Variants in ZNF624 observed in about 807,000 individuals in gnomAD.
The protein encoded by ZNF624 is zinc finger protein 624.
ZNF624 carries 43 observed loss-of-function variants against 74.7 expected under a neutral mutation model. That is an observed-to-expected ratio of 0.58 (90% CI 0.45 to 0.74). The LOEUF is 0.74. Among genes scored for constraint, ZNF624 ranks in the 30% least tolerant of loss-of-function variants. The pLI is 0.00. For synonymous variants in ZNF624, 331 were observed against 341.3 expected (o/e 0.97, Z 0.33); for missense variants, 820 against 1,030.0 (o/e 0.80, Z 2.79).
At chr17:16,627,292 A>G (rs1213580864) in intron 5 of ZNF624, among the ~76,000 whole-genome samples, 3 of 152,214 alleles carry the variant, frequency 2.0e-5, no homozygotes, top group African/African-American at 7.2e-5. Flanking sequence ...CTTAATTTAT[A>G]TGCACTAAAT....
rs560551714 is a variant in ZNF624 at position 16,641,289 on chromosome 17, C to A, written c.153+6040G>T. 3.3e-5 allele frequency among the ~76,000 whole-genome samples: 5 copies of A among 150,142 alleles called. No individual in the cohort carries two copies. In the East Asian group the frequency reaches 9.6e-4, roughly 29 times the overall value. ...TCTTTTTCTTTCTTTCTCTCTCTCT[C>A]TCTTTTTTTTTGGATACAGGATCTT... On this transcript the variant is annotated intron_variant, in intron 3 of 5. Transcript: ENST00000311331.
intron 5 of ZNF624, chr17:16,624,853 CAAAAAAAAAAAAAAAA>C (rs59170659): frequency 2.0e-3 from 86 of 44,016 alleles, no homozygotes; most frequent in African/African-American, 7.9e-3. Context: ...CCTGTCTCTA[CAAAAAAAAAAAAAAAA>C]AAAAAAAAAA....
chr17:16,627,307 A>T (rs1909096968), intron 5 of ZNF624, among the ~76,000 whole-genome samples: 1 of 152,244 alleles, frequency 6.6e-6, no homozygotes, highest in Admixed American at 6.5e-5. Flanking sequence ...CTAAATTCTC[A>T]TCTTTCTTGA....
chr17:16,619,140 A>T (rs1431290391), downstream of ZNF624, among the ~76,000 whole-genome samples: 1 of 152,240 alleles, frequency 6.6e-6, no homozygotes. Flanking sequence ...AGAGAGGAAG[A>T]TGGCCTTTTC....
intron 5 of ZNF624, among the ~76,000 whole-genome samples, chr17:16,630,487 G>A (rs1909180077): frequency 6.6e-6 from 1 of 152,164 alleles, no homozygotes; most frequent in African/African-American, 2.4e-5. Flanking sequence ...AACCTGGGAG[G>A]CAGAGTTTGC....
chr17:16,619,456 C>T (rs913427404), downstream of ZNF624, among the ~76,000 whole-genome samples: 2 of 152,094 alleles, frequency 1.3e-5, no homozygotes, highest in Admixed American at 6.6e-5. Flanking sequence ...AAAAAAACCC[C>T]GTCTCCAGAA....
At position 16,621,521 on chromosome 17, in the gene ZNF624, A is replaced by G. The variant is rs867326945; in HGVS notation, c.*767T>C. 6.6e-6 allele frequency: 1 copy of G among 152,244 alleles called. No homozygotes were observed. The highest frequency in any genetic ancestry group is 2.4e-5 in the African/African-American group (1 of 41,462). 9.4% of individuals were successfully genotyped at this position (152,244 alleles called of 1,614,324 possible). A position where few individuals can be genotyped will look rare whatever the true frequency, so the allele number is the denominator to read the frequency against. ...TTACACAACCTTTAAGTAATAGTAC[A>G]TGGTTTCCCAAACCCCAATAGCTAG... On this transcript the variant is annotated 3_prime_UTR_variant, in exon 6 of 6. Transcript: ENST00000311331.
At chr17:16,635,319 T>C (rs1021837675) in intron 3 of ZNF624, among the ~76,000 whole-genome samples, 1 of 152,156 alleles carries the variant, frequency 6.6e-6, no homozygotes, top group Non-Finnish European at 1.5e-5. Context: ...GATATGTATA[T>C]GTATTAAAAA....
intron 1 of ZNF624, among the ~76,000 whole-genome samples, chr17:16,650,037 G>C (rs1406144703): frequency 6.6e-6 from 1 of 151,922 alleles, no homozygotes; most frequent in Non-Finnish European, 1.5e-5. Context: ...CATAGATGAG[G>C]AAACTGAACC....
chr17:16,629,695 T>C (rs1392408174), intron 5 of ZNF624, among the ~76,000 whole-genome samples: 1 of 151,990 alleles, frequency 6.6e-6, no homozygotes, highest in Non-Finnish European at 1.5e-5. Flanking sequence ...GCCTTCCGAG[T>C]AGCTGGGATT....
At chr17:16,652,544 C>A (rs1203507769) in intron 1 of ZNF624, among the ~76,000 whole-genome samples, 1 of 151,738 alleles carries the variant, frequency 6.6e-6, no homozygotes, top group African/African-American at 2.4e-5. Flanking sequence ...TGTTTAACAA[C>A]CAAACTACAA....
In ZNF624 at chr17:16,624,050, C is replaced by T; in HGVS notation, c.836G>A (p.Ser279Asn). The T allele has an allele frequency of 6.2e-7, 1 of 1,613,964 alleles. No homozygotes were observed. The highest frequency in any genetic ancestry group is 8.5e-7 in the Non-Finnish European group (1 of 1,179,980). Residue 279 changes from serine (S) to asparagine (N), a missense_variant, in exon 6 of 6, where the codon AGT (serine) becomes AAT (asparagine). Transcript: ENST00000311331. ...SNNKEKPYKC[S>N]TCEKAFHYRS... ...ATAATGAAAGGCCTTTTCGCATGTA[C>T]TACATTTGTAGGGTTTTTCCTTATT... is the stretch of plus-strand genomic sequence containing the variant.
chr17:16,650,825 T>C (rs769065109), intron 1 of ZNF624, among the ~76,000 whole-genome samples: 1 of 152,286 alleles, frequency 6.6e-6, no homozygotes, highest in Non-Finnish European at 1.5e-5. Context: ...TGCTTAAACA[T>C]GTGGAATCTG....
chr17:16,624,075 T>C lies in ZNF624; in HGVS notation c.811A>G (p.Asn271Asp), dbSNP rs1909000858. The C allele has an allele frequency of 1.9e-6, 3 of 1,614,174 alleles. No individual in the cohort carries two copies. The highest frequency in any genetic ancestry group is 2.2e-5 in the East Asian group (1 of 44,874). Residue 271 changes from asparagine to aspartate, a missense_variant, in exon 6 of 6, where the codon AAT becomes GAT. Transcript: ENST00000311331. ...CTACATTTGTAGGGTTTTTCCTTAT[T>C]ATTGGATTTTTTCCCCAAAGTTAGT... ...SELTLGKKSN[N>D]KEKPYKCSTC...
chr17:16,650,670 C>T (rs960052941), intron 1 of ZNF624, among the ~76,000 whole-genome samples: 3 of 152,132 alleles, frequency 2.0e-5, no homozygotes, highest in African/African-American at 7.2e-5. Context: ...TCAAACAGTA[C>T]AGATTGTCAA....
rs1442916249 is a variant in ZNF624 at position 16,623,389 on chromosome 17, G to C, written c.1497C>G (p.Pro499=). 2.5e-6 allele frequency: 4 copies of C among 1,613,840 alleles called. No homozygotes were observed. The highest frequency in any genetic ancestry group is 2.7e-5 in the African/African-American group (2 of 75,000). ...VHIRTHTGEK[P]YECNECGKAF... ...CTTTCCCACATTCATTACATTCATA[G>C]GGTTTTTCCCCAGTGTGAGTTCTTA... Residue 499 remains proline (P), a synonymous_variant, in exon 6 of 6, where the codon CCC becomes CCG. Transcript: ENST00000311331. This position sits in a 1 kb window ranked among gnomAD's most constrained non-coding sequence, Gnocchi z 5.3.
rs1909289891 is a variant in ZNF624 at position 16,634,841 on chromosome 17, C to A, written c.154-85G>T. On this transcript the variant is annotated intron_variant, in intron 3 of 5. Coordinates refer to ENST00000311331, the MANE Select transcript of ZNF624 (RefSeq NM_020787.4). ...TATACATAAAAAACTGGGGAAGAGC[C>A]CCAGAAACCAGAATCACCAAATGAT... 3 of 1,312,858 alleles carry A rather than the reference C, an allele frequency of 2.3e-6. No individual in the cohort carries two copies. The East Asian group carries it at 7.1e-5, about 31-fold the overall frequency. 81.3% of individuals were successfully genotyped at this position (1,312,858 alleles called of 1,614,324 possible).
intron 3 of ZNF624, 21 bp downstream of exon 3, chr17:16,647,308 A>G (rs1416668368): frequency 6.3e-7 from 1 of 1,596,274 alleles, no homozygotes; most frequent in Non-Finnish European, 8.6e-7. Context: ...TATTCATTAT[A>G]TGTACAACAG....
In ZNF624 at chr17:16,624,145, A is replaced by G; in HGVS notation, c.741T>C (p.Ile247=). 1 of 1,614,084 alleles carries G rather than the reference A, an allele frequency of 6.2e-7. No individual in the cohort carries two copies. Among genetic ancestry groups the G allele is most frequent in the African/African-American group, 1.3e-5 (1 of 75,018 alleles). Residue 247 remains isoleucine (I), a synonymous_variant, in exon 6 of 6, where the codon ATT becomes ATC. Coordinates refer to ENST00000311331, the MANE Select transcript of ZNF624 (RefSeq NM_020787.4). Reference sequence around the variant, plus strand: ...CTTTGCTGCCTTTCATCTCCTTGCAAATTATCTTCCCCAAATGGGTATCTG... The same window carrying G: ...CTTTGCTGCCTTTCATCTCCTTGCAGATTATCTTCCCCAAATGGGTATCTG... The part of the protein sequence containing the change: ...LITDTHLGKI[I]CKEMKGSKAI...
Sources: allele counts gnomAD v4.1 joint callset (sites outside exome capture counted in the v4.1 genomes callset), GRCh38; gene constraint gnomAD v4.1.1; non-coding constraint Gnocchi (gnomAD v3.1); transcripts MANE v1.5; gene names NCBI Gene and HGNC (gene_info 2026-07-23, HGNC 2026-07-21).